ANGPT1: variants seen among roughly 807,000 people sequenced by gnomAD.
The protein encoded by ANGPT1 is angiopoietin 1.
A neutral mutation model predicts 62.2 loss-of-function variants in ANGPT1; 17 were observed. The observed-to-expected ratio is 0.27, with a 90% CI of 0.19 to 0.41. The LOEUF (loss-of-function observed/expected upper bound fraction) is 0.41, where lower values mean the gene tolerates loss of function less well. ANGPT1 is among the 10% of genes least tolerant of loss of function. ANGPT1 has a pLI of 1.00. For synonymous variants in ANGPT1, 199 were observed against 198.9 expected, an observed-to-expected ratio of 1.00 and a Z score of 0.00; for missense variants, 478 against 594.9, an observed-to-expected ratio of 0.80 and a Z score of 2.04.
chr8:107,294,637 C>T (rs1297497746), intron 5 of ANGPT1: 2 of 152,140 alleles, frequency 1.3e-5, no homozygotes, highest in Non-Finnish European at 2.9e-5. Flanking sequence ...GTATTTTAGT[C>T]ACGAACAATA....
In ANGPT1 at chr8:107,371,214, G is replaced by A. The variant is rs959633872; in HGVS notation, c.298-24117C>T. On this transcript the variant is annotated intron_variant, in intron 1 of 8. Coordinates refer to ENST00000517746, the MANE Select transcript of ANGPT1 (RefSeq NM_001146.5). The stretch of plus-strand genomic sequence containing the variant: ...ATAAACTAAATAATCAGTGTAGTAG[G>A]ATCAAAGTGTTTACTTTTAGGCTTT... Among the ~76,000 whole-genome samples the A allele has an allele frequency of 5.9e-5, 9 of 152,290 alleles. 1 individual carries two copies. The highest frequency in any genetic ancestry group is 1.7e-4 in the African/African-American group (7 of 41,564).
chr8:107,294,022 C>A lies in ANGPT1; in HGVS notation c.952G>T (p.Asp318Tyr). 1 of 1,611,658 alleles carries A rather than the reference C, an allele frequency of 6.2e-7. No homozygotes were observed. The highest frequency in any genetic ancestry group is 8.5e-7 in the Non-Finnish European group (1 of 1,179,292). The change falls in exon 6 of 9, where the codon GAT becomes TAT. Residue 318 changes from aspartate (D) to tyrosine (Y), a missense_variant. Physicochemically the swap from Asp to Tyr is radical, Grantham distance 160. Transcript: ENST00000517746. The part of the protein sequence containing the change: ...PEPKKVFCNM[D>Y]VNGGGWTVIQ... ...ACAGTCCAACCTCCCCCATTGACAT[C>A]CATATTGCAAAACACCTGACAAATG...
intron 5 of ANGPT1, among the ~76,000 whole-genome samples, chr8:107,301,037 A>G (rs1384256123): frequency 6.6e-6 from 1 of 151,848 alleles, no homozygotes; most frequent in African/African-American, 2.4e-5. Flanking sequence ...GCATCTCATA[A>G]TGTTTCAAAC....
At chr8:107,412,731 A>G (rs1810621204) in intron 1 of ANGPT1, among the ~76,000 whole-genome samples, 1 of 152,122 alleles carries the variant, frequency 6.6e-6, no homozygotes, top group African/African-American at 2.4e-5. Flanking sequence ...ATCATTACAA[A>G]AAATATGATG....
At chr8:107,373,779 G>A (rs901947453) in intron 1 of ANGPT1, among the ~76,000 whole-genome samples, 6 of 152,122 alleles carry the variant, frequency 3.9e-5, no homozygotes, top group African/African-American at 1.4e-4. Flanking sequence ...GGAAAAATCT[G>A]ACTTATTGTG....
intron 4 of ANGPT1, among the ~76,000 whole-genome samples, chr8:107,303,817 T>A (rs1814652355): frequency 6.6e-6 from 1 of 151,702 alleles, no homozygotes; most frequent in Admixed American, 6.6e-5. Flanking sequence ...AATTCAAACA[T>A]AAAAATGCAA....
chr8:107,432,072 C>T (rs1811201981), intron 1 of ANGPT1, among the ~76,000 whole-genome samples: 1 of 151,502 alleles, frequency 6.6e-6, no homozygotes, highest in Non-Finnish European at 1.5e-5. Flanking sequence ...TAAAATTAAA[C>T]TTTTTTACTG....
intron 1 of ANGPT1, among the ~76,000 whole-genome samples, chr8:107,381,345 A>C (rs1484766781): frequency 6.6e-6 from 1 of 152,162 alleles, no homozygotes; most frequent in Non-Finnish European, 1.5e-5. Context: ...CCAGAGATTA[A>C]CCCTATTGAA....
At chr8:107,327,860 A>G (rs531957869) in intron 3 of ANGPT1, among the ~76,000 whole-genome samples, 83 of 152,270 alleles carry the variant, frequency 5.5e-4, no homozygotes, top group Middle Eastern at 3.4e-3. Context: ...AAGGTTCTAA[A>G]TGAGTGTACA....
At chr8:107,293,076 C>A (rs1184714794) in intron 6 of ANGPT1, among the ~76,000 whole-genome samples, 1 of 152,142 alleles carries the variant, frequency 6.6e-6, no homozygotes, top group Non-Finnish European at 1.5e-5. Context: ...TTATTTCAAC[C>A]CTTGCTCATC....
chr8:107,263,462 G>GA, intron 8 of ANGPT1, among the ~76,000 whole-genome samples: 1 of 151,480 alleles, frequency 6.6e-6, no homozygotes, highest in East Asian at 1.9e-4. Flanking sequence ...CCAAGGCTCT[G>GA]AGACTATGGA....
At chr8:107,435,556 C>A (rs1234370987) in intron 1 of ANGPT1, among the ~76,000 whole-genome samples, 1 of 152,170 alleles carries the variant, frequency 6.6e-6, no homozygotes, top group African/African-American at 2.4e-5. Flanking sequence ...ATCTAAATGT[C>A]AAGGTTCTGG....
rs770955448 is a variant in ANGPT1, at chr8:107,264,369, A to C, written c.1206-18T>G. ...AATACAACCTGAAGTCAAAAAGAAAAAAAAGAAAGATAAGCCATTCGACAG... is the reference window on the plus strand; with the variant it reads ...AATACAACCTGAAGTCAAAAAGAAACAAAAGAAAGATAAGCCATTCGACAG... On this transcript the variant is annotated intron_variant, in intron 7 of 8. Transcript: ENST00000517746. 21 of 1,609,328 alleles carry C rather than the reference A, an allele frequency of 1.3e-5. No homozygotes were observed. In the African/African-American group the frequency reaches 1.3e-4, roughly 10 times the overall value.
intron 1 of ANGPT1, among the ~76,000 whole-genome samples, chr8:107,458,382 T>A (rs916212251): frequency 6.6e-6 from 1 of 152,198 alleles, no homozygotes; most frequent in African/African-American, 2.4e-5. Context: ...TCAAAAGTTC[T>A]TAGGATTGTC....
rs1194418871 is a variant in ANGPT1 at position 107,450,776 on chromosome 8, AT to A, written c.297+46485del. Among the ~76,000 whole-genome samples, 10 of 151,354 alleles carry A rather than the reference AT, an allele frequency of 6.6e-5. No homozygotes were observed. In the East Asian group the frequency reaches 1.5e-3, roughly 23 times the overall value. ...TATAATATATATTTTAGAGCAGGAAATAATAGATATTAAAGTTATAATAATA... is the reference window on the plus strand; with the variant it reads ...TATAATATATATTTTAGAGCAGGAAAAATAGATATTAAAGTTATAATAATA... On this transcript the variant is annotated intron_variant, in intron 1 of 8. Coordinates refer to ENST00000517746, the MANE Select transcript of ANGPT1 (RefSeq NM_001146.5).
At chr8:107,269,845 G>A (rs1266708642) in intron 7 of ANGPT1, among the ~76,000 whole-genome samples, 4 of 151,890 alleles carry the variant, frequency 2.6e-5, no homozygotes, top group East Asian at 3.9e-4. Context: ...TCCCTTCGAC[G>A]GATGACTATA....
chr8:107,475,773 A>T (rs1812506785), intron 1 of ANGPT1, among the ~76,000 whole-genome samples: 1 of 152,228 alleles, frequency 6.6e-6, no homozygotes, highest in Non-Finnish European at 1.5e-5. Flanking sequence ...AAAGTGGGTG[A>T]AGGATATGAA....
At chr8:107,432,653 G>C (rs953305987) in intron 1 of ANGPT1, among the ~76,000 whole-genome samples, 7 of 141,800 alleles carry the variant, frequency 4.9e-5, no homozygotes, top group African/African-American at 1.8e-4. Flanking sequence ...AACAGAGCGA[G>C]ACTCCATCTC....
rs148948837 is a variant in ANGPT1, at chr8:107,396,711, C to G, written c.298-49614G>C. Among the ~76,000 whole-genome samples, 23 of 151,832 alleles carry G rather than the reference C, an allele frequency of 1.5e-4. No homozygotes were observed. The East Asian group carries it at 4.3e-3, about 28-fold the overall frequency. Reference sequence around the variant, plus strand: ...AATTTTTCTGTACGTTTTGTAAAGACAGGGTCTTGCTATGTAGCCCAGGCT... The same window carrying G: ...AATTTTTCTGTACGTTTTGTAAAGAGAGGGTCTTGCTATGTAGCCCAGGCT... On this transcript the variant is annotated intron_variant, in intron 1 of 8. Coordinates refer to ENST00000517746, the MANE Select transcript of ANGPT1 (RefSeq NM_001146.5).
Sources: allele counts gnomAD v4.1 joint callset (sites outside exome capture counted in the v4.1 genomes callset), GRCh38; gene constraint gnomAD v4.1.1; transcripts MANE v1.5; gene names NCBI Gene and HGNC (gene_info 2026-07-23, HGNC 2026-07-21).